NUP58: variants seen among roughly 807,000 people sequenced by gnomAD.
NUP58 encodes nucleoporin p58/p45.
Under a neutral mutation model 70.1 loss-of-function variants are expected in NUP58, and 17 were observed. That is an observed-to-expected ratio of 0.24 (90% CI 0.17 to 0.36). The LOEUF (loss-of-function observed/expected upper bound fraction) is 0.36. NUP58 is among the 10% of genes least tolerant of loss of function. The pLI is 1.00. For missense variants in NUP58, 644 were observed against 701.5 expected, an observed-to-expected ratio of 0.92 and a Z score of 0.93; for synonymous variants, 275 against 257.6, an observed-to-expected ratio of 1.07 and a Z score of -0.65.
Position 25,327,468 on chromosome 13 carries a change from G to A in NUP58, c.1189G>A (p.Val397Ile). The change falls in exon 12 of 16, where the codon GTA becomes ATA. Residue 397 changes from valine to isoleucine, a missense_variant. Physicochemically the swap from Val to Ile is conservative, Grantham distance 29. Coordinates refer to ENST00000381736, the MANE Select transcript of NUP58 (RefSeq NM_014089.4). ...MAMQKIYQTF[V>I]ALAAQLQSIH... ...TATGCAGAAAATTTATCAAACATTT[G>A]TAGCTTTAGCGGCACAACTTCAGTC... is the stretch of plus-strand genomic sequence containing the variant. 6.2e-7 allele frequency: 1 copy of A among 1,610,670 alleles called. No homozygotes were observed. Among genetic ancestry groups the A allele is most frequent in the Non-Finnish European group, 8.5e-7 (1 of 1,178,532 alleles).
At position 25,335,989 on chromosome 13, in the gene NUP58, A is replaced by T. The variant is rs553816761; in HGVS notation, c.1436-947A>T. The stretch of plus-strand genomic sequence containing the variant: ...CTGCTTAGTTTTAAAAAAAAAAAAT[A>T]GTAGTTTAAAAGAGAGGCTAGTAAG... On this transcript the variant is annotated intron_variant, in intron 13 of 15. Coordinates refer to ENST00000381736, the MANE Select transcript of NUP58 (RefSeq NM_014089.4). 2.2e-3 allele frequency: 2,433 copies of T among 1,103,420 alleles called. 5 individuals carry two copies. The highest frequency in any genetic ancestry group is 2.6e-3 in the Non-Finnish European group (2,308 of 900,424). The allele number at this position is 1,103,420 out of a possible 1,614,324, so 68.4% of individuals were successfully genotyped here. A position where few individuals can be genotyped will look rare whatever the true frequency, so the allele number is the denominator to read the frequency against.
At chr13:25,302,946 C>T (rs1446669949) in intron 1 of NUP58, 1 of 456,674 alleles carries the variant, frequency 2.2e-6, no homozygotes, top group Non-Finnish European at 4.4e-6. Context: ...CCTGCTTAGG[C>T]TATTGTCATT....
downstream of NUP58, among the ~76,000 whole-genome samples, chr13:25,345,219 C>G (rs539836776): frequency 2.0e-5 from 3 of 152,256 alleles, no homozygotes; most frequent in South Asian, 6.2e-4. Flanking sequence ...GGTCGCATAG[C>G]TAAGTCATAG....
At chr13:25,327,115 A>C (rs530330533) in intron 11 of NUP58, 81 bp downstream of exon 11, 68 of 751,238 alleles carry the variant, frequency 9.1e-5, no homozygotes, top group Non-Finnish European at 1.3e-4. Flanking sequence ...TATTTTGGAT[A>C]ACTACTGGTA....
At chr13:25,330,897 A>G (rs1360732576) in intron 12 of NUP58, among the ~76,000 whole-genome samples, 1 of 152,168 alleles carries the variant, frequency 6.6e-6, no homozygotes, top group African/African-American at 2.4e-5. Flanking sequence ...AATGTATTTA[A>G]AAGTATGTAT....
In NUP58 at chr13:25,335,831, A is replaced by T; in HGVS notation, c.1436-1105A>T. On this transcript the variant is annotated intron_variant, in intron 13 of 15. Transcript: ENST00000381736. ...AAATTTTAGTGTGTATATTACTTTGACAGTTCCCTCATCTTTGAGATGCAC... is the reference window on the plus strand; with the variant it reads ...AAATTTTAGTGTGTATATTACTTTGTCAGTTCCCTCATCTTTGAGATGCAC... 1.1e-5 allele frequency: 11 copies of T among 1,007,008 alleles called. 1 individual carries two copies. Among genetic ancestry groups the T allele is most frequent in the Non-Finnish European group, 1.2e-5 (10 of 844,652 alleles). The allele number at this position is 1,007,008 out of a possible 1,614,324, so 62.4% of individuals were successfully genotyped here.
intron 3 of NUP58, among the ~76,000 whole-genome samples, chr13:25,349,289 C>T (rs1032865298): frequency 1.1e-4 from 17 of 152,150 alleles, no homozygotes; most frequent in African/African-American, 3.1e-4. Flanking sequence ...TTCAGTGACC[C>T]TCCCTGTTGA....
intron 1 of NUP58, among the ~76,000 whole-genome samples, chr13:25,306,633 A>T (rs968533603): frequency 2.0e-5 from 3 of 152,182 alleles, no homozygotes; most frequent in African/African-American, 7.2e-5. Flanking sequence ...TAATAAAGAT[A>T]AATATGTAGG....
intron 10 of NUP58, among the ~76,000 whole-genome samples, chr13:25,325,439 G>C (rs192127639): frequency 1.9e-3 from 283 of 152,226 alleles, no homozygotes; most frequent in Admixed American, 3.7e-3. Flanking sequence ...ATAAGTAGAA[G>C]AAAAAACCAA....
chr13:25,322,376 T>C (rs1419589169), intron 9 of NUP58, among the ~76,000 whole-genome samples: 1 of 152,264 alleles, frequency 6.6e-6, no homozygotes, highest in Non-Finnish European at 1.5e-5. Context: ...TCAAAGACTT[T>C]ATTGTCTGTC....
At chr13:25,331,748 A>C (rs981742648) in intron 13 of NUP58, 190 bp downstream of exon 13, 67 of 1,415,534 alleles carry the variant, frequency 4.7e-5, no homozygotes, top group Non-Finnish European at 5.4e-5. Context: ...CTTAGCAATA[A>C]TTATACATCA....
At chr13:25,318,916 A>G (rs2031059596) in intron 6 of NUP58, among the ~76,000 whole-genome samples, 1 of 152,240 alleles carries the variant, frequency 6.6e-6, no homozygotes, top group African/African-American at 2.4e-5. Flanking sequence ...CTGGTAGGCA[A>G]CAACATAAAT....
chr13:25,333,255 T>C, intron 13 of NUP58: 1 of 985,396 alleles, frequency 1.0e-6, no homozygotes, highest in Non-Finnish European at 1.2e-6. Context: ...GAGTGCCTAC[T>C]ATGTGCTGGG....
At chr13:25,338,024 A>G (rs1365852724) in intron 14 of NUP58, among the ~76,000 whole-genome samples, 1 of 152,170 alleles carries the variant, frequency 6.6e-6, no homozygotes, top group Non-Finnish European at 1.5e-5. Flanking sequence ...TGATGAAGAT[A>G]GTATTGTTAA....
At chr13:25,317,092 C>G (rs2030966683) in intron 6 of NUP58, among the ~76,000 whole-genome samples, 1 of 151,952 alleles carries the variant, frequency 6.6e-6, no homozygotes, top group Admixed American at 6.6e-5. Flanking sequence ...AGCTTGGGCC[C>G]TGCAGTACCA....
At chr13:25,320,315 A>G (rs747996173) in intron 7 of NUP58, 7 of 397,898 alleles carry the variant, frequency 1.8e-5, no homozygotes, top group Non-Finnish European at 3.1e-5. Context: ...TAGATAAGAA[A>G]TCTTCATGTC....
intron 13 of NUP58, chr13:25,332,741 C>A: frequency 1.0e-6 from 1 of 985,404 alleles, no homozygotes; most frequent in Non-Finnish European, 1.2e-6. Flanking sequence ...GTGGCTCGCA[C>A]GAGCACTGTC....
downstream of NUP58, among the ~76,000 whole-genome samples, chr13:25,344,943 C>T (rs1010686333): frequency 6.6e-6 from 1 of 152,158 alleles, no homozygotes; most frequent in Non-Finnish European, 1.5e-5. Flanking sequence ...CCAAGACAGG[C>T]TTATTCAGTC....
intron 12 of NUP58, among the ~76,000 whole-genome samples, chr13:25,328,722 C>T (rs922222825): frequency 2.6e-5 from 4 of 152,020 alleles, no homozygotes; most frequent in Admixed American, 1.3e-4. Context: ...CTCATAATAA[C>T]GTTAGTTTTA....
Sources: allele counts gnomAD v4.1 joint callset (sites outside exome capture counted in the v4.1 genomes callset), GRCh38; gene constraint gnomAD v4.1.1; transcripts MANE v1.5; gene names NCBI Gene and HGNC (gene_info 2026-07-23, HGNC 2026-07-21).